COL19A1: variants seen among roughly 807,000 people sequenced by gnomAD.
The protein encoded by COL19A1 is collagen alpha-1(XIX) chain.
In COL19A1, 159 loss-of-function variants were observed where a neutral mutation model predicts 190.2. That is an observed-to-expected ratio of 0.84 (90% CI 0.73 to 0.95). COL19A1 has a LOEUF of 0.95. Ranked by LOEUF, COL19A1 falls within the 40% of genes least tolerant of loss-of-function variation. The probability of loss-of-function intolerance (pLI) is 0.00; values close to 1 mark genes in which losing one functional copy is unlikely to be tolerated. For missense variants in COL19A1, 1,418 were observed against 1,431.9 expected (o/e 0.99, Z 0.16); for synonymous variants, 509 against 458.9 (o/e 1.11, Z -1.39).
At position 70,172,037 on chromosome 6, in the gene COL19A1, A is replaced by G. The variant is rs763956335; in HGVS notation, c.2622+20A>G. On this transcript the variant is annotated intron_variant, in intron 41 of 50. Coordinates refer to ENST00000620364, the MANE Select transcript of COL19A1 (RefSeq NM_001858.6). Reference sequence around the variant, plus strand: ...GTAAAGGTAAGCACAGAAGTTAGAAATGTGTTCATTTATTCAACATTCAAA... The same window carrying G: ...GTAAAGGTAAGCACAGAAGTTAGAAGTGTGTTCATTTATTCAACATTCAAA... 1 of 1,606,430 alleles carries G rather than the reference A, an allele frequency of 6.2e-7. No individual in the cohort carries two copies. The highest frequency in any genetic ancestry group is 1.1e-5 in the South Asian group (1 of 88,896).
At chr6:69,962,287 A>G (rs972574361) in intron 10 of COL19A1, among the ~76,000 whole-genome samples, 1 of 152,286 alleles carries the variant, frequency 6.6e-6, no homozygotes, top group Non-Finnish European at 1.5e-5. Context: ...TCTTTCTGTG[A>G]CTGAGCCAGC....
chr6:69,961,102 G>A (rs1186045777), intron 10 of COL19A1, among the ~76,000 whole-genome samples: 1 of 152,186 alleles, frequency 6.6e-6, no homozygotes, highest in Non-Finnish European at 1.5e-5. Context: ...CATTATTGAT[G>A]TAATATTAGA....
intron 19 of COL19A1, among the ~76,000 whole-genome samples, chr6:70,138,483 T>G (rs1037593145): frequency 4.6e-5 from 7 of 152,164 alleles, no homozygotes; most frequent in African/African-American, 1.7e-4. Context: ...GAATCAGGCT[T>G]AACAAATGTT....
intron 14 of COL19A1, among the ~76,000 whole-genome samples, chr6:70,044,142 T>C (rs1192390834): frequency 6.6e-6 from 1 of 152,216 alleles, no homozygotes; most frequent in Non-Finnish European, 1.5e-5. Context: ...TTCTGCAGCT[T>C]CCTCACCTCT....
At chr6:70,126,918 T>G (rs1785237321) in intron 17 of COL19A1, among the ~76,000 whole-genome samples, 3 of 152,358 alleles carry the variant, frequency 2.0e-5, no homozygotes, top group Middle Eastern at 3.4e-3. Flanking sequence ...TCTAAATATT[T>G]CTGTACCTTT....
At chr6:70,019,088 A>T (rs79590151) in intron 11 of COL19A1, among the ~76,000 whole-genome samples, 59 of 152,284 alleles carry the variant, frequency 3.9e-4, no homozygotes, top group African/African-American at 1.3e-3. Flanking sequence ...TCCTAGGGGC[A>T]TATGGTAGAA....
At chr6:70,040,286 AGTGAGG>A (rs1779571546) in intron 14 of COL19A1, among the ~76,000 whole-genome samples, 1 of 152,210 alleles carries the variant, frequency 6.6e-6, no homozygotes, top group African/African-American at 2.4e-5. Context: ...AGAATAAAGA[AGTGAGG>A]GTGACCAAGT....
intron 14 of COL19A1, among the ~76,000 whole-genome samples, chr6:70,052,195 C>G (rs1467291907): frequency 1.3e-5 from 2 of 152,106 alleles, no homozygotes; most frequent in African/African-American, 2.4e-5. Flanking sequence ...ACCAAGTAGT[C>G]TTTATCTTTT....
Position 70,060,103 on chromosome 6 carries a change from C to T in COL19A1, c.1171-8320C>T, listed in dbSNP as rs368275642. 2.0e-5 allele frequency among the ~76,000 whole-genome samples: 3 copies of T among 152,164 alleles called. No homozygotes were observed. The East Asian group carries it at 5.8e-4, about 29-fold the overall frequency. ...GGTAAATGATTAATTTGTAAATGAA[C>T]TATAAGGCAATTTTTCTCATAGACA... On this transcript the variant is annotated intron_variant, in intron 14 of 50. Transcript: ENST00000620364.
At chr6:70,086,769 A>G (rs935452495) in intron 15 of COL19A1, among the ~76,000 whole-genome samples, 9 of 152,210 alleles carry the variant, frequency 5.9e-5, no homozygotes, top group African/African-American at 2.2e-4. Flanking sequence ...AATGAATGCG[A>G]TCACACTTTT....
At chr6:70,150,145 C>T (rs1786957988) in intron 30 of COL19A1, 100 bp downstream of exon 30, 4 of 1,176,380 alleles carry the variant, frequency 3.4e-6, no homozygotes, top group Non-Finnish European at 5.1e-6. Context: ...TTAGAATGCT[C>T]GGTGACTGCT....
At chr6:70,125,061 T>C (rs542903900) in intron 17 of COL19A1, among the ~76,000 whole-genome samples, 1 of 151,674 alleles carries the variant, frequency 6.6e-6, no homozygotes, top group Non-Finnish European at 1.5e-5. Flanking sequence ...CCATTGGCAT[T>C]GTCTCCACCA....
rs554700402 is a variant in COL19A1 at position 70,169,967 on chromosome 6, A to G, written c.2568+1286A>G. Among the ~76,000 whole-genome samples, 3 of 152,298 alleles carry G rather than the reference A, an allele frequency of 2.0e-5. No individual in the cohort carries two copies. The East Asian group carries it at 5.8e-4, about 29-fold the overall frequency. On this transcript the variant is annotated intron_variant, in intron 40 of 50. Coordinates refer to ENST00000620364, the MANE Select transcript of COL19A1 (RefSeq NM_001858.6). Reference sequence around the variant, plus strand: ...TATAATAAAGGATAAATTATAATTTACTGGCATTGAAAAGGGGCTGGCAAC... The same window carrying G: ...TATAATAAAGGATAAATTATAATTTGCTGGCATTGAAAAGGGGCTGGCAAC...
At chr6:70,076,737 T>A (rs1781905927) in intron 15 of COL19A1, among the ~76,000 whole-genome samples, 2 of 152,202 alleles carry the variant, frequency 1.3e-5, no homozygotes, top group South Asian at 4.1e-4. Flanking sequence ...TGCACTCTGG[T>A]GACAGGTGTT....
chr6:69,978,471 A>G (rs1052919017), intron 11 of COL19A1, among the ~76,000 whole-genome samples: 7 of 152,022 alleles, frequency 4.6e-5, no homozygotes, highest in Admixed American at 3.3e-4. Flanking sequence ...AAACCAATAC[A>G]TGAAGAAAAC....
chr6:70,150,828 A>C (rs1787010876), intron 30 of COL19A1, among the ~76,000 whole-genome samples: 2 of 152,134 alleles, frequency 1.3e-5, no homozygotes, highest in South Asian at 4.1e-4. Flanking sequence ...TCTTGCAAAA[A>C]TGTTACTTGG....
At chr6:69,966,529 G>A (rs1242826612) in intron 11 of COL19A1, among the ~76,000 whole-genome samples, 1 of 152,092 alleles carries the variant, frequency 6.6e-6, no homozygotes, top group Non-Finnish European at 1.5e-5. Flanking sequence ...TGGATTAAGG[G>A]CGGTGCAAGA....
At chr6:70,052,466 C>T (rs1225381527) in intron 14 of COL19A1, among the ~76,000 whole-genome samples, 100 of 152,188 alleles carry the variant, frequency 6.6e-4, no homozygotes, top group Non-Finnish European at 8.8e-5. Context: ...TTTACCACAC[C>T]ATGGCTAACT....
At chr6:70,038,547 G>A (rs984365542) in intron 14 of COL19A1, among the ~76,000 whole-genome samples, 3 of 152,182 alleles carry the variant, frequency 2.0e-5, no homozygotes, top group Admixed American at 2.0e-4. Flanking sequence ...ATGAAGTTAA[G>A]ATTGAACCCT....
Sources: gnomAD v4.1 joint callset for allele counts (sites outside exome capture counted in the v4.1 genomes callset) on GRCh38, gnomAD v4.1.1 for gene constraint, MANE v1.5 for transcripts, NCBI Gene and HGNC (gene_info 2026-07-23, HGNC 2026-07-21) for gene names.